RNF125: variants seen among roughly 807,000 people sequenced by gnomAD.
RNF125 encodes ring finger protein 125.
Under a neutral mutation model 26.0 loss-of-function variants are expected in RNF125, and 21 were observed. The ratio of observed to expected loss-of-function variants is 0.81; its 90% CI spans 0.57 to 1.16. The LOEUF (loss-of-function observed/expected upper bound fraction) is 1.16. Ranked by LOEUF, RNF125 falls within the 50% of genes most tolerant of loss-of-function variation. The probability of loss-of-function intolerance (pLI) is 0.00; values close to 1 mark genes in which losing one functional copy is unlikely to be tolerated. For missense variants in RNF125, 270 were observed against 299.4 expected (o/e 0.90, Z 0.72); for synonymous variants, 95 against 109.2 (o/e 0.87, Z 0.81).
intron 1 of RNF125, among the ~76,000 whole-genome samples, chr18:32,022,377 T>C (rs2038994068): frequency 6.6e-6 from 1 of 152,234 alleles, no homozygotes; most frequent in African/African-American, 2.4e-5. Flanking sequence ...GTGACCACTT[T>C]AGGGAAATTT....
At chr18:32,058,061 G>A (rs1018357506) in intron 4 of RNF125, among the ~76,000 whole-genome samples, 2 of 148,196 alleles carry the variant, frequency 1.3e-5, no homozygotes, top group African/African-American at 5.0e-5. Flanking sequence ...AAAGCCAGGA[G>A]TTTGTGGTTA....
chr18:32,059,436 G>A (rs750145269), intron 4 of RNF125, among the ~76,000 whole-genome samples: 2 of 152,110 alleles, frequency 1.3e-5, no homozygotes, highest in Non-Finnish European at 2.9e-5. Context: ...AGAAATGTCT[G>A]TTTAAATCGT....
rs748731357 is a variant in RNF125, at chr18:32,018,934, G to A, written c.71G>A (p.Arg24His). ...TCTGCCACCGCGCGGGCCCTGGAGCGCAGGAGGGACCCGGAGTTGCCCGTC... is the reference window on the plus strand; with the variant it reads ...TCTGCCACCGCGCGGGCCCTGGAGCACAGGAGGGACCCGGAGTTGCCCGTC... ...PASATARALE[R>H]RRDPELPVTS... The change falls in exon 1 of 6, where the codon CGC (arginine) becomes CAC (histidine). Residue 24 changes from arginine (R) to histidine (H), a missense_variant. Arg to His is a conservative substitution (Grantham distance 29). Coordinates refer to ENST00000217740, the MANE Select transcript of RNF125 (RefSeq NM_017831.4). The A allele has an allele frequency of 6.2e-7, 1 of 1,612,886 alleles. No individual in the cohort carries two copies. The highest frequency in any genetic ancestry group is 8.5e-7 in the Non-Finnish European group (1 of 1,179,552).
chr18:32,063,108 T>C (rs370211078), intron 4 of RNF125, among the ~76,000 whole-genome samples: 1 of 151,080 alleles, frequency 6.6e-6, no homozygotes, highest in East Asian at 1.9e-4. Context: ...TAATCCCAGC[T>C]ACTTGGGAGG....
chr18:32,076,313 G>T, downstream of RNF125: 1 of 307,112 alleles, frequency 3.3e-6, no homozygotes, highest in African/African-American at 2.2e-5. Flanking sequence ...GTTTTTTTTG[G>T]TTGTTTTTTT....
chr18:32,057,457 C>T (rs1598823851), intron 4 of RNF125, among the ~76,000 whole-genome samples: 2 of 151,788 alleles, frequency 1.3e-5, no homozygotes, highest in African/African-American at 4.8e-5. Flanking sequence ...GCCTCAGTCT[C>T]CCGAGTAGCT....
intron 4 of RNF125, among the ~76,000 whole-genome samples, chr18:32,050,824 G>C (rs1842931982): frequency 7.7e-6 from 1 of 129,340 alleles, no homozygotes; most frequent in African/African-American, 2.8e-5. Context: ...AGATGTTTTA[G>C]CAAGAACCTT....
rs775086863 is a variant in RNF125, at chr18:32,064,396, C to CTTTTTTTTTTTTTTTTT, written c.505-1499_505-1483dup. On this transcript the variant is annotated intron_variant, in intron 4 of 5. Transcript: ENST00000217740. ...AATCTGGTGAAATCTTTTTCTTTTT[C>CTTTTTTTTTTTTTTTTT]TTTTTTTTTTTTTTTTTTTTTTTGA... is the stretch of plus-strand genomic sequence containing the variant. Among the ~76,000 whole-genome samples the CTTTTTTTTTTTTTTTTT allele has an allele frequency of 5.2e-4, 45 of 86,850 alleles. 1 individual carries two copies. Among genetic ancestry groups the CTTTTTTTTTTTTTTTTT allele is most frequent in the South Asian group, 1.4e-3 (3 of 2,120 alleles). The allele number at this position is 86,850 out of a possible 152,430, so 57.0% of individuals were successfully genotyped here. A position where few individuals can be genotyped will look rare whatever the true frequency, so the allele number is the denominator to read the frequency against.
At chr18:32,089,324 G>A in the RNF125 span, among the ~76,000 whole-genome samples, 2 of 152,176 alleles carry the variant, frequency 1.3e-5, no homozygotes, top group Non-Finnish European at 2.9e-5. Flanking sequence ...AGTGCCTTGA[G>A]TTCATGTCAG....
At chr18:32,025,572 G>A (rs1389678854) in intron 1 of RNF125, among the ~76,000 whole-genome samples, 2 of 151,204 alleles carry the variant, frequency 1.3e-5, no homozygotes, top group Non-Finnish European at 2.9e-5. Context: ...GGCTGAGGCA[G>A]GAGAATCACT....
At chr18:32,061,754 C>G (rs1355557349) in intron 4 of RNF125, among the ~76,000 whole-genome samples, 1 of 152,202 alleles carries the variant, frequency 6.6e-6, no homozygotes, top group Non-Finnish European at 1.5e-5. Flanking sequence ...GAACAGTTGT[C>G]TGTTCACATC....
the RNF125 span, among the ~76,000 whole-genome samples, chr18:32,084,106 A>G: frequency 6.6e-6 from 1 of 152,214 alleles, no homozygotes; most frequent in Non-Finnish European, 1.5e-5. Flanking sequence ...CTGTAATCCC[A>G]GCACTTTGGG....
At chr18:32,090,700 A>G in the RNF125 span, among the ~76,000 whole-genome samples, 1 of 152,238 alleles carries the variant, frequency 6.6e-6, no homozygotes, top group Non-Finnish European at 1.5e-5. Context: ...GATATGTAAT[A>G]ATGTAAACAG....
chr18:32,079,131 C>T, the RNF125 span, among the ~76,000 whole-genome samples: 1 of 152,166 alleles, frequency 6.6e-6, no homozygotes, highest in Non-Finnish European at 1.5e-5. Context: ...TGTCAATCTG[C>T]TCAGGCTACA....
At chr18:32,075,893 G>T (rs114685118), downstream of RNF125, 1 of 1,180,904 alleles carries the variant, frequency 8.5e-7, no homozygotes, top group Admixed American at 1.7e-5. Context: ...CTCTAGAAAA[G>T]AATCCTAGGA....
At chr18:32,056,616 C>T (rs1292420418) in intron 4 of RNF125, among the ~76,000 whole-genome samples, 4 of 88,760 alleles carry the variant, frequency 4.5e-5, no homozygotes, top group African/African-American at 1.5e-4. Flanking sequence ...AGCAAAACTC[C>T]GTCTCAAAAA....
chr18:32,026,492 G>A (rs762989326), intron 1 of RNF125, among the ~76,000 whole-genome samples: 3 of 151,790 alleles, frequency 2.0e-5, no homozygotes, highest in Non-Finnish European at 2.9e-5. Context: ...TGCCTGCCTC[G>A]GCCTCCCAGA....
At chr18:32,078,587 C>T in the RNF125 span, among the ~76,000 whole-genome samples, 2 of 151,764 alleles carry the variant, frequency 1.3e-5, no homozygotes, top group South Asian at 4.2e-4. Flanking sequence ...CTGCAATGAG[C>T]TATGATCATG....
At chr18:32,021,733 T>C (rs2038988886) in intron 1 of RNF125, among the ~76,000 whole-genome samples, 2 of 152,242 alleles carry the variant, frequency 1.3e-5, no homozygotes, top group African/African-American at 4.8e-5. Flanking sequence ...GTTTGGACTT[T>C]GAATATTATA....
Sources: allele counts gnomAD v4.1 joint callset (sites outside exome capture counted in the v4.1 genomes callset), GRCh38; gene constraint gnomAD v4.1.1; transcripts MANE v1.5; gene names NCBI Gene and HGNC (gene_info 2026-07-23, HGNC 2026-07-21).